LIPC: variants seen among roughly 807,000 people sequenced by gnomAD.
LIPC encodes hepatic triacylglycerol lipase.
A neutral mutation model predicts 50.7 loss-of-function variants in LIPC; 44 were observed. The observed-to-expected ratio is 0.87, with a 90% CI of 0.68 to 1.11. The LOEUF (loss-of-function observed/expected upper bound fraction) is 1.11. Ranked by LOEUF, LIPC falls within the 50% of genes most tolerant of loss-of-function variation. The pLI, the probability that LIPC is intolerant of heterozygous loss-of-function variation, is 0.00. For synonymous variants in LIPC, 271 were observed against 256.4 expected (o/e 1.06, Z -0.54); for missense variants, 697 against 648.2 (o/e 1.08, Z -0.82).
At chr15:58,458,987 T>C (rs1894236681) in intron 1 of LIPC, among the ~76,000 whole-genome samples, 1 of 152,212 alleles carries the variant, frequency 6.6e-6, no homozygotes, top group Non-Finnish European at 1.5e-5. Context: ...CTAGTGAATA[T>C]TTAAGAGAAA....
At chr15:58,500,935 C>T (rs1333467747) in intron 1 of LIPC, among the ~76,000 whole-genome samples, 1 of 152,050 alleles carries the variant, frequency 6.6e-6, no homozygotes, top group African/African-American at 2.4e-5. Context: ...ACACACCAGG[C>T]CATTCATTGA....
chr15:58,436,587 T>G (rs7342659), intron 1 of LIPC: 14 of 307,584 alleles, frequency 4.6e-5, no homozygotes, highest in Non-Finnish European at 8.5e-5. Context: ...AAAATACTTT[T>G]GTCTTATAGA....
chr15:58,528,589 G>A (rs1244669995), intron 1 of LIPC, among the ~76,000 whole-genome samples: 7 of 152,076 alleles, frequency 4.6e-5, no homozygotes, highest in African/African-American at 1.7e-4. Context: ...GCTCACTGCA[G>A]TCTCGACCTC....
chr15:58,457,933 G>A (rs12902516), intron 1 of LIPC, among the ~76,000 whole-genome samples: 72,545 of 152,028 alleles, frequency 0.48, 18,827 homozygotes, highest in South Asian at 0.58. Context: ...TGTACATGCC[G>A]TGTGGTTAGT....
chr15:58,438,182 T>C (rs1893373965), intron 1 of LIPC, among the ~76,000 whole-genome samples: 1 of 152,130 alleles, frequency 6.6e-6, no homozygotes, highest in African/African-American at 2.4e-5. Context: ...CCACATCAGC[T>C]GCCACAGTGC....
chr15:58,489,850 T>C (rs1315850641), intron 1 of LIPC, among the ~76,000 whole-genome samples: 8 of 152,162 alleles, frequency 5.3e-5, no homozygotes, highest in African/African-American at 1.7e-4. Flanking sequence ...GGTTCAACTA[T>C]AAACTAAATT....
chr15:58,514,157 A>C (rs1049455387), intron 1 of LIPC, among the ~76,000 whole-genome samples: 11 of 152,126 alleles, frequency 7.2e-5, no homozygotes, highest in South Asian at 2.1e-4. Context: ...GAGCCAGAAC[A>C]CCTGTTTGTA....
At chr15:58,503,989 G>A (rs749358176) in intron 1 of LIPC, among the ~76,000 whole-genome samples, 6 of 152,128 alleles carry the variant, frequency 3.9e-5, no homozygotes, top group Non-Finnish European at 5.9e-5. Flanking sequence ...AATGACACTA[G>A]CAAGTCCATG....
intron 1 of LIPC, among the ~76,000 whole-genome samples, chr15:58,456,735 C>A (rs1894131419): frequency 6.6e-6 from 1 of 152,360 alleles, no homozygotes; most frequent in East Asian, 1.9e-4. Flanking sequence ...CCCCCGCAAC[C>A]CATCACATTC....
chr15:58,511,247 C>T (rs1182586130), intron 1 of LIPC, among the ~76,000 whole-genome samples: 5 of 152,142 alleles, frequency 3.3e-5, no homozygotes, highest in African/African-American at 4.8e-5. Context: ...GTTCATTCAA[C>T]TCAAAGGCAT....
chr15:58,526,261 CTGTGAGGA>C, intron 1 of LIPC, among the ~76,000 whole-genome samples: 2 of 152,308 alleles, frequency 1.3e-5, no homozygotes, highest in Middle Eastern at 3.4e-3. Flanking sequence ...ATCAGGGAGG[CTGTGAGGA>C]TGAGTGTTTC....
At chr15:58,505,140 C>A (rs1372786654) in intron 1 of LIPC, among the ~76,000 whole-genome samples, 1 of 152,238 alleles carries the variant, frequency 6.6e-6, no homozygotes, top group African/African-American at 2.4e-5. Flanking sequence ...GAGAGGCCAA[C>A]AGTCCACGAA....
intron 2 of LIPC, among the ~76,000 whole-genome samples, chr15:58,539,096 C>A (rs1893239544): frequency 6.6e-6 from 1 of 152,230 alleles, no homozygotes; most frequent in South Asian, 2.1e-4. Flanking sequence ...GTGTGACCCT[C>A]ATCCTCATAG....
At chr15:58,476,908 CCCTGT>C (rs1325941726) in intron 1 of LIPC, among the ~76,000 whole-genome samples, 1 of 152,212 alleles carries the variant, frequency 6.6e-6, no homozygotes, top group Non-Finnish European at 1.5e-5. Context: ...TGTCGGATTG[CCCTGT>C]ACCCAGGGCA....
Position 58,563,648 on chromosome 15 carries a change from C to T in LIPC, c.1313C>T (p.Pro438Leu), listed in dbSNP as rs1894248949. 5 of 1,614,058 alleles carry T rather than the reference C, an allele frequency of 3.1e-6. No individual in the cohort carries two copies. Among genetic ancestry groups the T allele is most frequent in the Non-Finnish European group, 3.4e-6 (4 of 1,180,048 alleles). Residue 438 changes from proline to leucine, a missense_variant, in exon 8 of 9, where the codon CCA (proline) becomes CTA (leucine). Physicochemically the swap from Pro to Leu is moderately conservative, Grantham distance 98. Coordinates refer to ENST00000299022, the MANE Select transcript of LIPC (RefSeq NM_000236.3). The stretch of plus-strand genomic sequence containing the variant: ...TGGGACACGGTCCAGACCATCATCC[C>T]ATGGAGCACAGGGCCGCGCCACTCA... The part of the protein sequence containing the change: ...NVWDTVQTII[P>L]WSTGPRHSGL...
intron 8 of LIPC, among the ~76,000 whole-genome samples, chr15:58,564,234 G>A (rs774701460): frequency 3.3e-5 from 5 of 151,364 alleles, no homozygotes; most frequent in Non-Finnish European, 5.9e-5. Flanking sequence ...AAACACATTT[G>A]CAGAATTCCT....
chr15:58,499,090 A>C lies in LIPC; in HGVS notation c.89-39243A>C, dbSNP rs530214817. 9.9e-5 allele frequency among the ~76,000 whole-genome samples: 15 copies of C among 152,282 alleles called. No homozygotes were observed. The East Asian group carries it at 2.9e-3, about 29-fold the overall frequency. ...AGAGAGGCCAGGCTGGGGTGGGAAG[A>C]ATGGAGAGACAGTGCCTGCCAGTGA... On this transcript the variant is annotated intron_variant, in intron 1 of 8. Transcript: ENST00000299022.
chr15:58,509,851 A>T (rs957858693), intron 1 of LIPC, among the ~76,000 whole-genome samples: 64 of 152,180 alleles, frequency 4.2e-4, no homozygotes, highest in African/African-American at 1.4e-3. Context: ...GTCAATGGAT[A>T]TCTATTATTA....
At chr15:58,565,819 T>A in intron 8 of LIPC, 1 of 985,044 alleles carries the variant, frequency 1.0e-6, no homozygotes, top group South Asian at 4.7e-5. Flanking sequence ...TAGGAGGTAC[T>A]GTATGCGGGT....
Sources: gnomAD v4.1 joint callset for allele counts (sites outside exome capture counted in the v4.1 genomes callset) on GRCh38, gnomAD v4.1.1 for gene constraint, MANE v1.5 for transcripts, NCBI Gene and HGNC (gene_info 2026-07-23, HGNC 2026-07-21) for gene names.